MOCOS: variants seen among roughly 807,000 people sequenced by gnomAD.
MOCOS encodes molybdenum cofactor sulfurase, also known as human molybdenum cofactor sulfurase.
In MOCOS, 86 loss-of-function variants were observed where a neutral mutation model predicts 83.6. The observed-to-expected ratio is 1.03, with a 90% CI of 0.86 to 1.23. MOCOS has a LOEUF of 1.23. Ranked by LOEUF, MOCOS falls within the 50% of genes most tolerant of loss-of-function variation. MOCOS has a pLI of 0.00. For synonymous variants in MOCOS, 445 were observed against 434.7 expected (o/e 1.02, Z -0.29); for missense variants, 1,120 against 1,126.9 (o/e 0.99, Z 0.09).
chr18:36,187,771 A>T, intron 1 of MOCOS, 90 bp downstream of exon 1: 1 of 1,219,602 alleles, frequency 8.2e-7, no homozygotes, highest in Non-Finnish European at 1.0e-6. Context: ...GCGCTACCTC[A>T]TTCGGGCGCA....
chr18:36,207,349 GT>G (rs2144908543), intron 6 of MOCOS, among the ~76,000 whole-genome samples: 1 of 152,194 alleles, frequency 6.6e-6, no homozygotes, highest in African/African-American at 2.4e-5. Context: ...TGGTAGTTCT[GT>G]TTTAAATTCT....
chr18:36,225,812 G>A (rs1459389314), intron 9 of MOCOS, among the ~76,000 whole-genome samples: 1 of 151,620 alleles, frequency 6.6e-6, no homozygotes, highest in Non-Finnish European at 1.5e-5. Context: ...ATTTAAGAGT[G>A]TGTTGTTTCA....
At chr18:36,238,631 C>T (rs796774327) in intron 9 of MOCOS, among the ~76,000 whole-genome samples, 5 of 141,754 alleles carry the variant, frequency 3.5e-5, no homozygotes, top group Admixed American at 7.3e-5. Context: ...GTGGAGAGTT[C>T]TGTAGATGTC....
At chr18:36,240,557 T>G (rs1233414218) in intron 9 of MOCOS, among the ~76,000 whole-genome samples, 1 of 151,386 alleles carries the variant, frequency 6.6e-6, no homozygotes. Context: ...ACAGGGACAT[T>G]TAAGTCTGCA....
intron 1 of MOCOS, among the ~76,000 whole-genome samples, chr18:36,193,101 G>GGAGATCGA: frequency 6.6e-6 from 1 of 150,514 alleles, no homozygotes; most frequent in Non-Finnish European, 1.5e-5. Flanking sequence ...CATGAGGTCA[G>GGAGATCGA]GAGATCGAGA....
chr18:36,198,685 GC>G lies in MOCOS; in HGVS notation c.233-3del. 6.2e-7 allele frequency: 1 copy of G among 1,614,156 alleles called. No homozygotes were observed. Among genetic ancestry groups the G allele is most frequent in the Non-Finnish European group, 8.5e-7 (1 of 1,180,010 alleles). ...CTTGGTGGCCTTGTCTTTGTAACCT[GC>G]CAGGTAATCCTCACAGCCAGAACAT... On this transcript the variant is annotated splice_polypyrimidine_tract_variant and splice_region_variant and intron_variant, in intron 2 of 14. Transcript: ENST00000261326.
At chr18:36,194,014 T>C (rs2091376916) in intron 1 of MOCOS, among the ~76,000 whole-genome samples, 1 of 152,242 alleles carries the variant, frequency 6.6e-6, no homozygotes, top group African/African-American at 2.4e-5. Context: ...GAAAACATTA[T>C]GCTAAATTAA....
intron 13 of MOCOS, among the ~76,000 whole-genome samples, chr18:36,260,518 T>C (rs921256798): frequency 1.3e-5 from 2 of 152,138 alleles, no homozygotes; most frequent in Non-Finnish European, 2.9e-5. Context: ...TTGTTGGACT[T>C]TGTGGCAGTC....
intron 6 of MOCOS, among the ~76,000 whole-genome samples, chr18:36,209,332 C>A (rs1353266937): frequency 6.6e-6 from 1 of 152,114 alleles, no homozygotes; most frequent in African/African-American, 2.4e-5. Context: ...GAACATGCCA[C>A]CATGCCCAGC....
intron 9 of MOCOS, among the ~76,000 whole-genome samples, chr18:36,247,826 G>A (rs145265094): frequency 9.8e-5 from 15 of 152,316 alleles, no homozygotes; most frequent in Middle Eastern, 6.8e-3. Context: ...ATATGTTCCT[G>A]CAGCGGTTCA....
rs550077373 is a variant in MOCOS at position 36,258,207 on chromosome 18, G to A, written c.2270+1134G>A. 7.2e-4 allele frequency among the ~76,000 whole-genome samples: 109 copies of A among 152,226 alleles called. 2 individuals are homozygous for A. The South Asian group carries it at 0.017, about 24-fold the overall frequency. On this transcript the variant is annotated intron_variant, in intron 12 of 14. Coordinates refer to ENST00000261326, the MANE Select transcript of MOCOS (RefSeq NM_017947.4). Reference sequence around the variant, plus strand: ...CCCAGTTCCTACCAGGAGGGGCCACGTTCCCCACCATCTGGTTTATAGCAG... The same window carrying A: ...CCCAGTTCCTACCAGGAGGGGCCACATTCCCCACCATCTGGTTTATAGCAG...
In MOCOS at chr18:36,195,360, C is replaced by T. The variant is rs2091382988; in HGVS notation, c.232+14C>T. 6.2e-7 allele frequency: 1 copy of T among 1,606,520 alleles called. No homozygotes were observed. The highest frequency in any genetic ancestry group is 1.3e-5 in the African/African-American group (1 of 74,784). ...AAAACACTTATGGTAAAGAAAAACA[C>T]CTGAAACAGGTTTTAGTCAACTACA... On this transcript the variant is annotated intron_variant, in intron 2 of 14. Coordinates refer to ENST00000261326, the MANE Select transcript of MOCOS (RefSeq NM_017947.4).
At chr18:36,224,464 T>A (rs2091507988) in intron 9 of MOCOS, among the ~76,000 whole-genome samples, 1 of 152,230 alleles carries the variant, frequency 6.6e-6, no homozygotes, top group Non-Finnish European at 1.5e-5. Context: ...TAACATGTTC[T>A]ATTCCTAGGT....
At chr18:36,217,307 A>C (rs1452892285) in intron 8 of MOCOS, among the ~76,000 whole-genome samples, 1 of 152,208 alleles carries the variant, frequency 6.6e-6, no homozygotes, top group Non-Finnish European at 1.5e-5. Flanking sequence ...ATTGGAGTGA[A>C]ACGTTTATGG....
At chr18:36,211,339 T>A (rs906736040) in intron 6 of MOCOS, among the ~76,000 whole-genome samples, 4 of 151,520 alleles carry the variant, frequency 2.6e-5, no homozygotes, top group Admixed American at 6.5e-5. Flanking sequence ...GAGCAGGGAC[T>A]CAGAGTCTGT....
chr18:36,203,588 G>T (rs541745952), intron 5 of MOCOS, among the ~76,000 whole-genome samples: 1 of 152,188 alleles, frequency 6.6e-6, no homozygotes, highest in African/African-American at 2.4e-5. Context: ...GCTCAGAGAG[G>T]TTAAACGCCT....
At chr18:36,200,901 G>A (rs1225257312) in intron 4 of MOCOS, among the ~76,000 whole-genome samples, 1 of 152,244 alleles carries the variant, frequency 6.6e-6, no homozygotes, top group Non-Finnish European at 1.5e-5. Flanking sequence ...TACAGAGGGA[G>A]TCTGGGTGCA....
intron 13 of MOCOS, among the ~76,000 whole-genome samples, chr18:36,260,622 G>C (rs2091660537): frequency 6.6e-6 from 1 of 152,060 alleles, no homozygotes; most frequent in Non-Finnish European, 1.5e-5. Flanking sequence ...TGCCTTTGCT[G>C]GTGGCTGGGA....
Position 36,205,221 on chromosome 18 carries a change from C to G in MOCOS, c.1163C>G (p.Pro388Arg). 6.2e-7 allele frequency: 1 copy of G among 1,613,818 alleles called. No homozygotes were observed. The highest frequency in any genetic ancestry group is 8.5e-7 in the Non-Finnish European group (1 of 1,179,968). Residue 388 changes from proline to arginine, a missense_variant, in exon 6 of 15, where the codon CCA (proline) becomes CGA (arginine). Coordinates refer to ENST00000261326, the MANE Select transcript of MOCOS (RefSeq NM_017947.4). ...SEFSSPEVQG[P>R]IINFNVLDDK... ...TTCAGCAGCCCTGAGGTTCAGGGCC[C>G]AATCATCAATTTTAATGTGCTGGAT... is the stretch of plus-strand genomic sequence containing the variant.
Sources: gnomAD v4.1 joint callset for allele counts (sites outside exome capture counted in the v4.1 genomes callset) on GRCh38, gnomAD v4.1.1 for gene constraint, MANE v1.5 for transcripts, NCBI Gene and HGNC (gene_info 2026-07-23, HGNC 2026-07-21) for gene names.